Variants in MCU observed in about 807,000 individuals in gnomAD.
MCU encodes calcium uniporter protein, mitochondrial.
Under a neutral mutation model 45.2 loss-of-function variants are expected in MCU, and 12 were observed. The ratio of observed to expected loss-of-function variants is 0.27; its 90% CI spans 0.17 to 0.43. MCU has a LOEUF of 0.43. MCU is among the 20% of genes least tolerant of loss of function. The pLI is 1.00. For synonymous variants in MCU, 160 were observed against 165.1 expected (o/e 0.97, Z 0.24); for missense variants, 324 against 436.7 (o/e 0.74, Z 2.30).
intron 1 of MCU, among the ~76,000 whole-genome samples, chr10:72,763,261 A>T (rs909237251): frequency 2.0e-5 from 3 of 152,176 alleles, no homozygotes; most frequent in Non-Finnish European, 4.4e-5. Context: ...GGATTAGGGC[A>T]TGGACACATT....
intron 2 of MCU, among the ~76,000 whole-genome samples, chr10:72,845,881 GC>G (rs1248069807): frequency 1.3e-5 from 2 of 151,900 alleles, no homozygotes; most frequent in Non-Finnish European, 2.9e-5. Flanking sequence ...AAACCTCAAA[GC>G]AATGATTATC....
chr10:72,771,088 G>A (rs781473158), intron 1 of MCU, among the ~76,000 whole-genome samples: 41 of 152,126 alleles, frequency 2.7e-4, no homozygotes, highest in Admixed American at 5.9e-4. Flanking sequence ...TGGGATACAT[G>A]TGCAGAACAT....
At chr10:72,713,558 C>T (rs1009248744) in intron 1 of MCU, among the ~76,000 whole-genome samples, 1 of 152,184 alleles carries the variant, frequency 6.6e-6, no homozygotes, top group African/African-American at 2.4e-5. Flanking sequence ...TTGCTAACTA[C>T]ACAAATTATA....
intron 1 of MCU, among the ~76,000 whole-genome samples, chr10:72,782,571 C>T (rs922266007): frequency 2.0e-5 from 3 of 152,142 alleles, no homozygotes; most frequent in Non-Finnish European, 2.9e-5. Context: ...GGGGTTTCGC[C>T]ATGTTGGCCA....
intron 1 of MCU, among the ~76,000 whole-genome samples, chr10:72,741,391 G>A (rs1268136574): frequency 2.0e-5 from 3 of 152,154 alleles, no homozygotes; most frequent in African/African-American, 7.2e-5. Flanking sequence ...GTGAGCCACC[G>A]TGCCTGGCGA....
intron 1 of MCU, chr10:72,692,723 C>T: frequency 7.9e-7 from 1 of 1,265,274 alleles, no homozygotes; most frequent in Non-Finnish European, 1.0e-6. Flanking sequence ...TGAGTTGCCG[C>T]GGCCGCCTTG....
intron 1 of MCU, among the ~76,000 whole-genome samples, chr10:72,701,983 T>TA (rs1842764335): frequency 6.6e-6 from 1 of 152,076 alleles, no homozygotes; most frequent in Non-Finnish European, 1.5e-5. Flanking sequence ...CTCATGCCTG[T>TA]AATCCCAGCC....
chr10:72,706,580 C>A (rs1286930368), intron 1 of MCU, among the ~76,000 whole-genome samples: 1 of 151,820 alleles, frequency 6.6e-6, no homozygotes, highest in African/African-American at 2.4e-5. Context: ...GCTCTGTCGC[C>A]AGGCTGGAGT....
intron 1 of MCU, chr10:72,715,282 A>G: frequency 2.0e-6 from 1 of 496,960 alleles, no homozygotes; most frequent in African/African-American, 2.1e-5. Context: ...AAAGCCATGT[A>G]GAGGAGCTTC....
chr10:72,884,798 A>ACTG (rs1845754836), intron 7 of MCU, among the ~76,000 whole-genome samples: 1 of 152,178 alleles, frequency 6.6e-6, no homozygotes, highest in Admixed American at 6.6e-5. Flanking sequence ...AGAGGGAAAG[A>ACTG]CTGCTAGAGA....
intron 1 of MCU, among the ~76,000 whole-genome samples, chr10:72,694,359 T>C (rs1289720496): frequency 6.6e-6 from 1 of 152,244 alleles, no homozygotes; most frequent in Non-Finnish European, 1.5e-5. Flanking sequence ...TTACGTTAGC[T>C]AATACGTAAG....
At chr10:72,847,637 C>G (rs1025899293) in intron 2 of MCU, among the ~76,000 whole-genome samples, 1 of 152,104 alleles carries the variant, frequency 6.6e-6, no homozygotes, top group Admixed American at 6.6e-5. Flanking sequence ...CAAAGTCATA[C>G]TATATTTGGT....
intron 2 of MCU, among the ~76,000 whole-genome samples, chr10:72,842,106 G>A (rs555474071): frequency 2.0e-5 from 3 of 152,094 alleles, no homozygotes; most frequent in Non-Finnish European, 2.9e-5. Context: ...TGGTGAAACC[G>A]TCTCTACTAA....
chr10:72,748,983 G>A (rs1304244319), intron 1 of MCU, among the ~76,000 whole-genome samples: 2 of 152,150 alleles, frequency 1.3e-5, no homozygotes, highest in Non-Finnish European at 1.5e-5. Flanking sequence ...TGAGAATGTT[G>A]GATTATGATG....
At chr10:72,838,023 A>AT (rs572308436) in intron 2 of MCU, among the ~76,000 whole-genome samples, 8,573 of 146,152 alleles carry the variant, frequency 0.059, 794 homozygotes, top group African/African-American at 0.2. Context: ...CGCCTGGCTA[A>AT]TTTTTTTTTT....
intron 1 of MCU, among the ~76,000 whole-genome samples, chr10:72,755,839 A>AT (rs57441750): frequency 0.012 from 1,668 of 134,452 alleles, 20 homozygotes; most frequent in African/African-American, 0.033. Flanking sequence ...AATTGAAACC[A>AT]TTTTTTTTTT....
chr10:72,749,184 C>CT (rs925820120), intron 1 of MCU, among the ~76,000 whole-genome samples: 4 of 151,730 alleles, frequency 2.6e-5, no homozygotes, highest in African/African-American at 9.7e-5. Flanking sequence ...ACTTGGGAGA[C>CT]TGAGGTGGGA....
intron 1 of MCU, among the ~76,000 whole-genome samples, chr10:72,789,633 GC>G (rs1844127829): frequency 6.6e-6 from 1 of 152,068 alleles, no homozygotes; most frequent in Non-Finnish European, 1.5e-5. Flanking sequence ...GATTAGTTCT[GC>G]TCACCTCAAA....
chr10:72,866,298 C>T (rs1462101628), intron 4 of MCU, among the ~76,000 whole-genome samples: 1 of 152,042 alleles, frequency 6.6e-6, no homozygotes, highest in Admixed American at 6.6e-5. Flanking sequence ...TAAGCATGTT[C>T]CATTCCTCTG....
Sources: allele counts gnomAD v4.1 joint callset (sites outside exome capture counted in the v4.1 genomes callset), GRCh38; gene constraint gnomAD v4.1.1; transcripts MANE v1.5; gene names NCBI Gene and HGNC (gene_info 2026-07-23, HGNC 2026-07-21).